Variants in MAGI1 observed in about 807,000 individuals in gnomAD.
MAGI1 encodes membrane-associated guanylate kinase, WW and PDZ domain-containing protein 1.
MAGI1 carries 58 observed loss-of-function variants against 139.9 expected under a neutral mutation model. The observed-to-expected ratio is 0.41, with a 90% CI of 0.34 to 0.52. The LOEUF is 0.52. Ranked by LOEUF, MAGI1 falls within the 20% of genes least tolerant of loss-of-function variation. The probability of loss-of-function intolerance (pLI) is 0.12; values close to 1 mark genes in which losing one functional copy is unlikely to be tolerated. For missense variants in MAGI1, 1,874 were observed against 1,901.6 expected, an observed-to-expected ratio of 0.99 and a Z score of 0.27; for synonymous variants, 812 against 737.9, an observed-to-expected ratio of 1.10 and a Z score of -1.63.
intron 1 of MAGI1, among the ~76,000 whole-genome samples, chr3:65,979,080 T>C (rs1376328451): frequency 2.2e-5 from 2 of 91,530 alleles, no homozygotes; most frequent in African/African-American, 4.1e-5. Context: ...AAAGTTTTTT[T>C]CTTTTCTTCC....
intron 8 of MAGI1, among the ~76,000 whole-genome samples, chr3:65,442,083 T>TTC (rs1323470186): frequency 2.0e-5 from 3 of 149,778 alleles, no homozygotes; most frequent in Non-Finnish European, 4.5e-5. Flanking sequence ...ATACAAAGCT[T>TTC]TTTTTTTTTT....
At chr3:65,681,993 G>A (rs1211474904) in intron 1 of MAGI1, among the ~76,000 whole-genome samples, 1 of 152,060 alleles carries the variant, frequency 6.6e-6, no homozygotes. Flanking sequence ...ATGCTACTTT[G>A]TCCAGCTGAG....
At chr3:65,813,492 T>G (rs1000320622) in intron 1 of MAGI1, among the ~76,000 whole-genome samples, 3 of 152,198 alleles carry the variant, frequency 2.0e-5, no homozygotes, top group Non-Finnish European at 2.9e-5. Context: ...TTAGGGCCTA[T>G]GAAATTAGCA....
rs186855834 is a variant in MAGI1, at chr3:65,587,353, C to T, written c.430+34619G>A. 5.1e-3 allele frequency among the ~76,000 whole-genome samples: 781 copies of T among 152,050 alleles called. 3 individuals carry two copies. Among genetic ancestry groups the T allele is most frequent in the Non-Finnish European group, 8.8e-3 (596 of 68,000 alleles). ...TATTTTATAACAAAGTGTTGAATAT[C>T]ACATGTAATTTATTGAATACTGTAC... On this transcript the variant is annotated intron_variant, in intron 2 of 22. Coordinates refer to ENST00000402939, the MANE Select transcript of MAGI1 (RefSeq NM_001033057.2).
chr3:65,682,929 G>A (rs1160971019), intron 1 of MAGI1, among the ~76,000 whole-genome samples: 4 of 152,130 alleles, frequency 2.6e-5, no homozygotes, highest in Non-Finnish European at 4.4e-5. Flanking sequence ...GGACGGGGAA[G>A]GGGATGGTTT....
chr3:65,475,859 G>C (rs1950863479), intron 4 of MAGI1, among the ~76,000 whole-genome samples: 1 of 151,908 alleles, frequency 6.6e-6, no homozygotes, highest in Non-Finnish European at 1.5e-5. Context: ...CGTTACTTAG[G>C]CGTCTTAGTG....
chr3:65,740,550 G>C (rs1315704426), intron 1 of MAGI1, among the ~76,000 whole-genome samples: 2 of 152,142 alleles, frequency 1.3e-5, no homozygotes, highest in Admixed American at 6.5e-5. Context: ...TCTGGCTGTA[G>C]GGCCACACAT....
At chr3:65,455,352 A>G (rs1224932783) in intron 5 of MAGI1, among the ~76,000 whole-genome samples, 1 of 151,886 alleles carries the variant, frequency 6.6e-6, no homozygotes. Flanking sequence ...ATTCCCCCCA[A>G]CCCTCTTCTT....
At chr3:65,891,986 T>A (rs2060790676) in intron 1 of MAGI1, among the ~76,000 whole-genome samples, 1 of 140,966 alleles carries the variant, frequency 7.1e-6, no homozygotes, top group Admixed American at 7.2e-5. Flanking sequence ...AACCAGTTAT[T>A]ATAGGATTAT....
intron 2 of MAGI1, among the ~76,000 whole-genome samples, chr3:65,496,137 G>C (rs896823344): frequency 1.3e-5 from 2 of 151,962 alleles, no homozygotes; most frequent in Non-Finnish European, 2.9e-5. Flanking sequence ...GAACTACTGG[G>C]CTCAAGAGAT....
At chr3:65,456,321 T>G (rs994346698) in intron 5 of MAGI1, among the ~76,000 whole-genome samples, 3 of 152,170 alleles carry the variant, frequency 2.0e-5, no homozygotes, top group Non-Finnish European at 2.9e-5. Context: ...CCCTTTTCAG[T>G]GAAATGTCTG....
Position 65,853,797 on chromosome 3 carries a change from T to C in MAGI1, c.313+184199A>G, listed in dbSNP as rs534517224. ...GGAAGCCTTCCAGGGAGAAAGTGGTTATCTCAATCAAGAAGTGCCCCGACA... is the reference window on the plus strand; with the variant it reads ...GGAAGCCTTCCAGGGAGAAAGTGGTCATCTCAATCAAGAAGTGCCCCGACA... On this transcript the variant is annotated intron_variant, in intron 1 of 22. Transcript: ENST00000402939. Among the ~76,000 whole-genome samples, 6 of 152,262 alleles carry C rather than the reference T, an allele frequency of 3.9e-5. No homozygotes were observed. The East Asian group carries it at 1.2e-3, about 29-fold the overall frequency.
At chr3:65,939,038 G>A (rs1278470771) in intron 1 of MAGI1, among the ~76,000 whole-genome samples, 4 of 151,922 alleles carry the variant, frequency 2.6e-5, no homozygotes, top group African/African-American at 9.7e-5. Flanking sequence ...ATTCGTTTGC[G>A]CCCCCATCCC....
At chr3:65,746,687 C>G (rs1473538703) in intron 1 of MAGI1, among the ~76,000 whole-genome samples, 1 of 152,054 alleles carries the variant, frequency 6.6e-6, no homozygotes, top group Non-Finnish European at 1.5e-5. Context: ...ATGATTCCAG[C>G]CATCAAGGGC....
rs548644829 is a variant in MAGI1 at position 65,730,445 on chromosome 3, T to C, written c.314-108357A>G. Among the ~76,000 whole-genome samples the C allele has an allele frequency of 8.5e-5, 13 of 152,348 alleles. No individual in the cohort carries two copies. The South Asian group carries it at 1.2e-3, about 15-fold the overall frequency. ...GACAGGGGCGAAATGACTATCTTCA[T>C]GAGTATCCATCATCTTTACTAAGGA... On this transcript the variant is annotated intron_variant, in intron 1 of 22. Coordinates refer to ENST00000402939, the MANE Select transcript of MAGI1 (RefSeq NM_001033057.2).
At chr3:65,864,059 G>A (rs771913814) in intron 1 of MAGI1, among the ~76,000 whole-genome samples, 1 of 151,974 alleles carries the variant, frequency 6.6e-6, no homozygotes, top group Non-Finnish European at 1.5e-5. Context: ...AATAGGGTGA[G>A]TGAATGAATA....
At chr3:65,527,952 A>G (rs1353016748) in intron 2 of MAGI1, among the ~76,000 whole-genome samples, 1 of 151,990 alleles carries the variant, frequency 6.6e-6, no homozygotes, top group Non-Finnish European at 1.5e-5. Context: ...AGATCATAAG[A>G]AGTACCAATT....
At chr3:65,615,607 C>G (rs1469864470) in intron 2 of MAGI1, among the ~76,000 whole-genome samples, 1 of 152,158 alleles carries the variant, frequency 6.6e-6, no homozygotes, top group Non-Finnish European at 1.5e-5. Context: ...CTCCAAGTTC[C>G]TCAATGAATA....
rs60798256 is a variant in MAGI1, at chr3:65,474,612, TAC to T, written c.757+3978_757+3979del. ...TAAATCAGAAGCTTCCAAGCTTTTA[TAC>T]ACACACACACACACACACATGCACA... On this transcript the variant is annotated intron_variant, in intron 4 of 22. Coordinates refer to ENST00000402939, the MANE Select transcript of MAGI1 (RefSeq NM_001033057.2). Among the ~76,000 whole-genome samples, 743 of 150,714 alleles carry T rather than the reference TAC, an allele frequency of 4.9e-3. 5 individuals are homozygous for T. Among genetic ancestry groups the T allele is most frequent in the Middle Eastern group, 0.014 (4 of 292 alleles).
Sources: allele counts gnomAD v4.1 joint callset (sites outside exome capture counted in the v4.1 genomes callset), GRCh38; gene constraint gnomAD v4.1.1; transcripts MANE v1.5; gene names NCBI Gene and HGNC (gene_info 2026-07-23, HGNC 2026-07-21).